The following NR3C2 variants were observed in gnomAD, a reference collection of about 807,000 sequenced individuals.
NR3C2 encodes nuclear receptor subfamily 3 group C member 2.
In NR3C2, 15 loss-of-function variants were observed where a neutral mutation model predicts 86.4. The observed-to-expected ratio is 0.17, with a 90% CI of 0.12 to 0.27. The LOEUF (loss-of-function observed/expected upper bound fraction) is 0.27, where lower values mean the gene tolerates loss of function less well. Among genes scored for constraint, NR3C2 ranks in the 10% least tolerant of loss-of-function variants. NR3C2 has a pLI of 1.00. For missense variants in NR3C2, 960 were observed against 1,195.6 expected (o/e 0.80, Z 2.91); for synonymous variants, 458 against 450.5 (o/e 1.02, Z -0.21).
chr4:148,138,444 C>T (rs1219531525), intron 6 of NR3C2, among the ~76,000 whole-genome samples: 6 of 152,070 alleles, frequency 3.9e-5, no homozygotes, highest in South Asian at 2.1e-4. Context: ...AGTGCAGGTG[C>T]GATCTCGGCT....
intron 8 of NR3C2, among the ~76,000 whole-genome samples, chr4:148,084,729 AAG>A (rs1163270388): frequency 6.6e-6 from 1 of 152,236 alleles, no homozygotes; most frequent in Non-Finnish European, 1.5e-5. Flanking sequence ...AAATTCAATC[AAG>A]AGTCAAAATC....
chr4:148,279,420 T>C (rs891487340), intron 2 of NR3C2, among the ~76,000 whole-genome samples: 1 of 152,208 alleles, frequency 6.6e-6, no homozygotes, highest in Non-Finnish European at 1.5e-5. Flanking sequence ...CATTATTGGA[T>C]GAGCGATAAC....
chr4:148,442,780 C>T (rs912457060), upstream of NR3C2: 60 of 985,310 alleles, frequency 6.1e-5, no homozygotes, highest in East Asian at 2.3e-4. Context: ...ATCAGGCGGC[C>T]TCCGCACGCT....
chr4:148,125,774 A>G (rs1378215169), intron 6 of NR3C2, among the ~76,000 whole-genome samples: 1 of 152,242 alleles, frequency 6.6e-6, no homozygotes. Flanking sequence ...TCATGAATGA[A>G]TGATAGAGAG....
intron 2 of NR3C2, among the ~76,000 whole-genome samples, chr4:148,338,488 A>C (rs1217477321): frequency 6.6e-6 from 1 of 152,218 alleles, no homozygotes; most frequent in Non-Finnish European, 1.5e-5. Flanking sequence ...GTGGTGTAAA[A>C]GTTTTCCAAT....
At chr4:148,181,348 A>G (rs551160495) in intron 4 of NR3C2, among the ~76,000 whole-genome samples, 1 of 152,188 alleles carries the variant, frequency 6.6e-6, no homozygotes, top group East Asian at 1.9e-4. Flanking sequence ...CTTACACTGT[A>G]TTTTTCAAGT....
chr4:148,113,145 C>T (rs916631766), intron 8 of NR3C2, among the ~76,000 whole-genome samples: 4 of 152,132 alleles, frequency 2.6e-5, no homozygotes, highest in African/African-American at 9.7e-5. Flanking sequence ...AAAACCACCT[C>T]GGCTATATCT....
intron 2 of NR3C2, among the ~76,000 whole-genome samples, chr4:148,288,270 A>T (rs1741631025): frequency 6.6e-6 from 1 of 152,210 alleles, no homozygotes; most frequent in African/African-American, 2.4e-5. Context: ...ATACATGACT[A>T]TTTTCTTATA....
intron 2 of NR3C2, among the ~76,000 whole-genome samples, chr4:148,279,610 T>G (rs988532215): frequency 6.6e-6 from 1 of 152,202 alleles, no homozygotes; most frequent in African/African-American, 2.4e-5. Context: ...GTTAACAAAT[T>G]TGAATATAAA....
At chr4:148,349,397 T>G (rs1745159683) in intron 2 of NR3C2, among the ~76,000 whole-genome samples, 1 of 152,128 alleles carries the variant, frequency 6.6e-6, no homozygotes, top group Non-Finnish European at 1.5e-5. Flanking sequence ...AATGAAGCAC[T>G]TCTCCAGGGA....
intron 2 of NR3C2, among the ~76,000 whole-genome samples, chr4:148,365,365 A>G (rs191567861): frequency 5.9e-5 from 9 of 152,274 alleles, no homozygotes; most frequent in Admixed American, 3.9e-4. Context: ...TCAGATTTCA[A>G]ATTTTCAGAT....
chr4:148,276,516 A>G (rs987359267), intron 2 of NR3C2, among the ~76,000 whole-genome samples: 11 of 152,198 alleles, frequency 7.2e-5, no homozygotes, highest in Non-Finnish European at 7.3e-5. Flanking sequence ...GTATTACAGT[A>G]CCTTAGAAAG....
chr4:148,253,983 C>T (rs931142949), intron 3 of NR3C2, among the ~76,000 whole-genome samples: 14 of 152,100 alleles, frequency 9.2e-5, no homozygotes, highest in African/African-American at 1.7e-4. Context: ...TCTCAGTGAA[C>T]GGCGTTAGCA....
intron 2 of NR3C2, among the ~76,000 whole-genome samples, chr4:148,383,426 T>C (rs929594930): frequency 2.0e-5 from 3 of 152,196 alleles, no homozygotes; most frequent in South Asian, 2.1e-4. Context: ...TTTCATACTT[T>C]TGCCCTTGGT....
intron 2 of NR3C2, among the ~76,000 whole-genome samples, chr4:148,387,854 TTA>T (rs1183027592): frequency 1.3e-5 from 2 of 152,190 alleles, no homozygotes; most frequent in Admixed American, 6.5e-5. Context: ...AATGTCTTAA[TTA>T]TGAAATGTGG....
chr4:148,358,388 G>A (rs1452527323), intron 2 of NR3C2, among the ~76,000 whole-genome samples: 3 of 145,894 alleles, frequency 2.1e-5, no homozygotes, highest in Non-Finnish European at 4.5e-5. Context: ...ACCAAACACC[G>A]CATATTCTCA....
intron 4 of NR3C2, among the ~76,000 whole-genome samples, chr4:148,187,801 T>C (rs1340819886): frequency 1.3e-5 from 2 of 152,220 alleles, no homozygotes; most frequent in African/African-American, 4.8e-5. Context: ...CCTAAGCCAA[T>C]GTCTAGAAGG....
chr4:148,242,079 G>A (rs1200217676), intron 3 of NR3C2, among the ~76,000 whole-genome samples: 2 of 152,164 alleles, frequency 1.3e-5, no homozygotes, highest in Non-Finnish European at 2.9e-5. Flanking sequence ...AATAGGTACA[G>A]ATTTTCAGTT....
intron 2 of NR3C2, among the ~76,000 whole-genome samples, chr4:148,310,196 A>G (rs777511892): frequency 1.4e-4 from 21 of 152,186 alleles, no homozygotes; most frequent in Non-Finnish European, 2.9e-4. Flanking sequence ...GTGTATTTTA[A>G]TCGCTCCACT....
Sources: gnomAD v4.1 joint callset for allele counts (sites outside exome capture counted in the v4.1 genomes callset) on GRCh38, gnomAD v4.1.1 for gene constraint, MANE v1.5 for transcripts, NCBI Gene and HGNC (gene_info 2026-07-23, HGNC 2026-07-21) for gene names.